Variants in SLC8A1 observed in about 807,000 individuals in gnomAD.
SLC8A1 encodes the protein solute carrier family 8 member A1, also known as sodium/calcium exchanger 1.
A neutral mutation model predicts 68.3 loss-of-function variants in SLC8A1; 18 were observed. The ratio of observed to expected loss-of-function variants is 0.26; its 90% CI spans 0.18 to 0.39. The LOEUF (loss-of-function observed/expected upper bound fraction) is 0.39, where lower values mean the gene tolerates loss of function less well. Ranked by LOEUF, SLC8A1 falls within the 10% of genes least tolerant of loss-of-function variation. SLC8A1 has a pLI of 1.00. For missense variants in SLC8A1, 985 were observed against 1,156.7 expected (o/e 0.85, Z 2.15); for synonymous variants, 475 against 415.5 (o/e 1.14, Z -1.74).
intron 1 of SLC8A1, among the ~76,000 whole-genome samples, chr2:40,490,237 T>TCACTCATTAAAAAGCATGG (rs1236976873): frequency 6.6e-6 from 1 of 152,180 alleles, no homozygotes; most frequent in Non-Finnish European, 1.5e-5. Flanking sequence ...TTGAAGCATG[T>TCACTCATTAAAAAGCATGG]CACTCATTAA....
intron 6 of SLC8A1, among the ~76,000 whole-genome samples, chr2:40,152,213 C>T (rs1261181441): frequency 6.6e-6 from 1 of 152,134 alleles, no homozygotes; most frequent in Non-Finnish European, 1.5e-5. Context: ...GTATGTATTT[C>T]TTGAAAGGTA....
intron 2 of SLC8A1, among the ~76,000 whole-genome samples, chr2:40,380,528 T>G: frequency 6.6e-6 from 1 of 152,116 alleles, no homozygotes; most frequent in Non-Finnish European, 1.5e-5. Flanking sequence ...GCAAAATCAT[T>G]TTTGATTTGT....
rs114744477 is a variant in SLC8A1, at chr2:40,294,523, A to G, written c.1809-116668T>C. ...CCTAGGGCATATTTTTAGGTTGAAT[A>G]AAAAAGCAAGTTGCATATATATATA... On this transcript the variant is annotated intron_variant, in intron 2 of 7. Coordinates refer to ENST00000406785, the Ensembl canonical transcript of SLC8A1. 4.6e-3 allele frequency among the ~76,000 whole-genome samples: 694 copies of G among 152,216 alleles called. 6 individuals carry two copies. The highest frequency in any genetic ancestry group is 0.016 in the African/African-American group (664 of 41,546).
upstream of SLC8A1, chr2:40,452,128 G>C (rs1365167242): frequency 7.9e-6 from 1 of 126,974 alleles, no homozygotes; most frequent in East Asian, 2.5e-4. Context: ...GGCAGGCGCG[G>C]AGGCCGGGAG....
At chr2:40,475,629 TAC>T (rs1704249273) in intron 1 of SLC8A1, among the ~76,000 whole-genome samples, 1 of 152,068 alleles carries the variant, frequency 6.6e-6, no homozygotes, top group African/African-American at 2.4e-5. Flanking sequence ...TACATACATG[TAC>T]ACATACATGT....
chr2:40,388,606 C>A lies in SLC8A1; in HGVS notation c.1808+39867G>T. 2.0e-5 allele frequency among the ~76,000 whole-genome samples: 3 copies of A among 152,202 alleles called. No individual in the cohort carries two copies. In the Middle Eastern group the frequency reaches 0.01, roughly 518 times the overall value. On this transcript the variant is annotated intron_variant, in intron 2 of 7. Transcript: ENST00000406785. ...CACTAATTTATGTCCTTTGGGTAAA[C>A]GTTCTTGTTAAACACACTGGTTTTT...
intron 6 of SLC8A1, among the ~76,000 whole-genome samples, chr2:40,155,399 G>A (rs546634856): frequency 1.5e-4 from 23 of 152,264 alleles, no homozygotes; most frequent in Non-Finnish European, 3.1e-4. Flanking sequence ...AAAGTGCTGG[G>A]ATTACAGGCA....
chr2:40,385,968 TATA>T (rs1306046332), intron 2 of SLC8A1, among the ~76,000 whole-genome samples: 4 of 116,578 alleles, frequency 3.4e-5, no homozygotes, highest in Admixed American at 9.1e-5. Flanking sequence ...CCTTCTGAAT[TATA>T]ATAGGTGATT....
intron 2 of SLC8A1, among the ~76,000 whole-genome samples, chr2:40,326,044 C>G (rs995191920): frequency 3.9e-5 from 6 of 152,032 alleles, no homozygotes; most frequent in Non-Finnish European, 8.8e-5. Context: ...GACTGACAAG[C>G]AGATCTACTG....
chr2:40,252,599 G>C (rs1045087074), intron 2 of SLC8A1, among the ~76,000 whole-genome samples: 5 of 152,190 alleles, frequency 3.3e-5, no homozygotes, highest in Admixed American at 6.5e-5. Context: ...CTCCCAAAGT[G>C]CTGGGATGAC....
exon 8 of SLC8A1, chr2:40,102,238 A>C (rs1184956384): frequency 6.6e-6 from 1 of 152,160 alleles, no homozygotes; most frequent in East Asian, 1.9e-4. Flanking sequence ...ATACTATTTT[A>C]GTAATAGCGT....
At chr2:40,284,829 G>T (rs552307982) in intron 2 of SLC8A1, among the ~76,000 whole-genome samples, 4 of 152,112 alleles carry the variant, frequency 2.6e-5, no homozygotes, top group Admixed American at 6.6e-5. Flanking sequence ...ATGCAATTGA[G>T]CAGTAGAGGA....
At chr2:40,457,157 T>C (rs1703070547) in intron 1 of SLC8A1, among the ~76,000 whole-genome samples, 1 of 152,184 alleles carries the variant, frequency 6.6e-6, no homozygotes, top group Non-Finnish European at 1.5e-5. Context: ...ATTAATTTTA[T>C]TAACTGGGAA....
chr2:40,444,940 T>C (rs1701170573), intron 1 of SLC8A1, among the ~76,000 whole-genome samples: 2 of 152,180 alleles, frequency 1.3e-5, no homozygotes, highest in South Asian at 4.1e-4. Flanking sequence ...GTACTTATCT[T>C]CCTTTACCTT....
intron 4 of SLC8A1, among the ~76,000 whole-genome samples, chr2:40,166,937 T>A (rs1312913212): frequency 6.6e-6 from 1 of 152,222 alleles, no homozygotes; most frequent in Non-Finnish European, 1.5e-5. Flanking sequence ...GGGAGAATAT[T>A]TATTATGGCC....
chr2:40,420,766 T>C (rs1024064031), intron 2 of SLC8A1, among the ~76,000 whole-genome samples: 1 of 152,178 alleles, frequency 6.6e-6, no homozygotes, highest in Non-Finnish European at 1.5e-5. Context: ...TTGAGGTTAC[T>C]GTCACTGCAC....
intron 2 of SLC8A1, among the ~76,000 whole-genome samples, chr2:40,341,494 C>T (rs891596767): frequency 6.6e-6 from 1 of 152,098 alleles, no homozygotes; most frequent in African/African-American, 2.4e-5. Flanking sequence ...GAAAGAGTTC[C>T]TTCTGTGGCT....
chr2:40,234,190 A>G (rs1574455164), intron 2 of SLC8A1, among the ~76,000 whole-genome samples: 2 of 152,148 alleles, frequency 1.3e-5, no homozygotes, highest in African/African-American at 4.8e-5. Context: ...TACCTTGGGC[A>G]GTATGGCCAT....
intron 2 of SLC8A1, among the ~76,000 whole-genome samples, chr2:40,415,390 G>C (rs1015418121): frequency 6.8e-6 from 1 of 146,798 alleles, no homozygotes; most frequent in Admixed American, 6.8e-5. Context: ...TTTTCCTGAA[G>C]ACATAGAAGA....
Sources: allele counts gnomAD v4.1 joint callset (sites outside exome capture counted in the v4.1 genomes callset), GRCh38; gene constraint gnomAD v4.1.1; transcripts MANE v1.5; gene names NCBI Gene and HGNC (gene_info 2026-07-23, HGNC 2026-07-21).